The following ZNF516 variants were observed in gnomAD, a reference collection of about 807,000 sequenced individuals.
The protein encoded by ZNF516 is zinc finger protein 516.
ZNF516 carries 19 observed loss-of-function variants against 79.7 expected under a neutral mutation model. The observed-to-expected ratio is 0.24, with a 90% CI of 0.17 to 0.35. The LOEUF is 0.35. Among genes scored for constraint, ZNF516 ranks in the 10% least tolerant of loss-of-function variants. The pLI, the probability that ZNF516 is intolerant of heterozygous loss-of-function variation, is 1.00. For synonymous variants in ZNF516, 877 were observed against 739.5 expected (o/e 1.19, Z -3.02); for missense variants, 1,678 against 1,679.5 (o/e 1.00, Z 0.02).
rs552008375 is a variant in ZNF516, at chr18:76,396,429, A to C, written c.1811-16126T>G. On this transcript the variant is annotated intron_variant, in intron 3 of 6. Coordinates refer to ENST00000443185, the MANE Select transcript of ZNF516 (RefSeq NM_014643.4). ...AGAACTCAGGGCCACTGCATTCAAAATCATTTCAAGATTTCAGCATTTACT... is the reference window on the plus strand; with the variant it reads ...AGAACTCAGGGCCACTGCATTCAAACTCATTTCAAGATTTCAGCATTTACT... 2.6e-5 allele frequency among the ~76,000 whole-genome samples: 4 copies of C among 152,300 alleles called. No individual in the cohort carries two copies. In the South Asian group the frequency reaches 8.3e-4, roughly 32 times the overall value.
At chr18:76,480,484 C>CAT (rs933110218) in intron 1 of ZNF516, among the ~76,000 whole-genome samples, 2 of 134,026 alleles carry the variant, frequency 1.5e-5, no homozygotes, top group Non-Finnish European at 3.2e-5. Context: ...TACACACACA[C>CAT]ATATACACAT....
At chr18:76,421,753 T>A (rs1456201975) in intron 3 of ZNF516, among the ~76,000 whole-genome samples, 1 of 152,170 alleles carries the variant, frequency 6.6e-6, no homozygotes, top group South Asian at 2.1e-4. Context: ...TGCCAACACC[T>A]CACATTTCTT....
chr18:76,443,345 C>T (rs953948634), intron 2 of ZNF516, 134 bp from the exon 3 acceptor site: 6 of 426,240 alleles, frequency 1.4e-5, no homozygotes, highest in African/African-American at 1.2e-4. Flanking sequence ...AACAACACTT[C>T]ACACACAGGC....
At chr18:76,418,192 AAC>A (rs202199700) in intron 3 of ZNF516, among the ~76,000 whole-genome samples, 1,759 of 152,084 alleles carry the variant, frequency 0.012, 37 homozygotes, top group African/African-American at 0.041. Context: ...CACATGCTAT[AAC>A]ACACTGTAAC....
chr18:76,473,221 GT>G (rs555338253), intron 1 of ZNF516, among the ~76,000 whole-genome samples: 38 of 148,790 alleles, frequency 2.6e-4, no homozygotes, highest in South Asian at 4.2e-4. Flanking sequence ...AAGCACAAAA[GT>G]TTTTTTTTTC....
intron 2 of ZNF516, among the ~76,000 whole-genome samples, chr18:76,456,302 T>C (rs1912719991): frequency 6.6e-6 from 1 of 152,244 alleles, no homozygotes; most frequent in African/African-American, 2.4e-5. Flanking sequence ...AAACAAAATC[T>C]GGATGACTAA....
intron 3 of ZNF516, among the ~76,000 whole-genome samples, chr18:76,434,509 A>G (rs2075704391): frequency 6.6e-6 from 1 of 152,212 alleles, no homozygotes; most frequent in Admixed American, 6.5e-5. Flanking sequence ...AATATCACGA[A>G]CTTCTCTTTC....
intron 4 of ZNF516, chr18:76,372,907 G>A (rs984219762): frequency 5.3e-5 from 8 of 152,302 alleles, no homozygotes; most frequent in African/African-American, 1.9e-4. Flanking sequence ...CCAGCACTTT[G>A]AGAGGCCAAA....
chr18:76,451,275 T>A lies in ZNF516; in HGVS notation c.-157-8064A>T, dbSNP rs1463445025. ...CCCCGACGCCATGTGGCTTTACTTA[T>A]CCCCGTCTGCGTCCTCTCTGACCAC... On this transcript the variant is annotated intron_variant, in intron 2 of 6. Coordinates refer to ENST00000443185, the MANE Select transcript of ZNF516 (RefSeq NM_014643.4). This position sits in a 1 kb window ranked among gnomAD's most constrained non-coding sequence, Gnocchi z 6.0. Among the ~76,000 whole-genome samples the A allele has an allele frequency of 6.6e-6, 1 of 152,038 alleles. No individual in the cohort carries two copies. The highest frequency in any genetic ancestry group is 1.5e-5 in the Non-Finnish European group (1 of 68,000).
chr18:76,432,085 T>C (rs911559546), intron 3 of ZNF516, among the ~76,000 whole-genome samples: 1 of 152,152 alleles, frequency 6.6e-6, no homozygotes, highest in East Asian at 1.9e-4. Flanking sequence ...ATGTCACCAG[T>C]TGAACAAGGA....
chr18:76,447,384 C>T (rs112906745), intron 2 of ZNF516, among the ~76,000 whole-genome samples: 9 of 152,212 alleles, frequency 5.9e-5, no homozygotes, highest in Admixed American at 4.6e-4. Flanking sequence ...GCGTGCCTCA[C>T]GTAGGAGCAG....
At position 76,440,742 on chromosome 18, in the gene ZNF516, T is replaced by TTGTGTGTG. The variant is rs138856557; in HGVS notation, c.1810+495_1810+502dup. 3.3e-3 allele frequency among the ~76,000 whole-genome samples: 496 copies of TTGTGTGTG among 150,046 alleles called. 1 individual carries two copies. The highest frequency in any genetic ancestry group is 6.7e-3 in the African/African-American group (271 of 40,570). Reference sequence around the variant, plus strand: ...TGGAGGAAAGTGTGTGTGTGTGTGTTTGTGTGTGTGTGTGTGTGTGCGCGC... The same window carrying TTGTGTGTG: ...TGGAGGAAAGTGTGTGTGTGTGTGTTTGTGTGTGTGTGTGTGTGTGTGTGTGTGCGCGC... On this transcript the variant is annotated intron_variant, in intron 3 of 6. Transcript: ENST00000443185.
chr18:76,383,468 G>A (rs2074927314), intron 3 of ZNF516, among the ~76,000 whole-genome samples: 1 of 129,516 alleles, frequency 7.7e-6, no homozygotes, highest in Non-Finnish European at 1.6e-5. Context: ...CCCCACACCA[G>A]GCACCTTCTC....
intron 3 of ZNF516, among the ~76,000 whole-genome samples, chr18:76,382,074 G>A (rs1035910317): frequency 5.3e-5 from 8 of 152,182 alleles, no homozygotes; most frequent in African/African-American, 1.7e-4. Flanking sequence ...GGAGGTTGCA[G>A]TGAGCTGACA....
intron 2 of ZNF516, among the ~76,000 whole-genome samples, chr18:76,444,426 AG>A (rs1467326891): frequency 6.6e-6 from 1 of 152,240 alleles, no homozygotes; most frequent in Non-Finnish European, 1.5e-5. Context: ...TCGCATAGAA[AG>A]GAAGCGTGTT....
rs542237179 is a variant in ZNF516, at chr18:76,390,015, C to T, written c.1811-9712G>A. ...TTATAGCAATAATTCCAGAGCTTCT[C>T]ACTCTTGGTTAAAACAGAACAGAAA... On this transcript the variant is annotated intron_variant, in intron 3 of 6. Transcript: ENST00000443185. Among the ~76,000 whole-genome samples the T allele has an allele frequency of 9.8e-5, 15 of 152,312 alleles. 1 individual carries two copies. Among genetic ancestry groups the T allele is most frequent in the Admixed American group, 3.3e-4 (5 of 15,306 alleles).
chr18:76,496,327 A>G, upstream of ZNF516: 3 of 1,289,420 alleles, frequency 2.3e-6, no homozygotes, highest in Non-Finnish European at 3.0e-6. Flanking sequence ...TCCGCAGTGG[A>G]GGTGGATTCC....
Position 76,442,155 on chromosome 18 carries a change from G to C in ZNF516, c.900C>G (p.Pro300=), listed in dbSNP as rs1271417817. The C allele has an allele frequency of 2.5e-6, 4 of 1,613,822 alleles. No individual in the cohort carries two copies. The highest frequency in any genetic ancestry group is 3.4e-6 in the Non-Finnish European group (4 of 1,179,886). Residue 300 remains proline (P), a synonymous_variant, in exon 3 of 7, where the codon CCC becomes CCG. Coordinates refer to ENST00000443185, the MANE Select transcript of ZNF516 (RefSeq NM_014643.4). ...FLKNHMKAHG[P]KTGSKNRPKS... ...TGGGCCTGTTCTTGCTGCCCGTCTT[G>C]GGGCCGTGCGCCTTCATGTGGTTCT...
chr18:76,402,351 G>A (rs572136147), intron 3 of ZNF516, among the ~76,000 whole-genome samples: 3 of 152,170 alleles, frequency 2.0e-5, no homozygotes, highest in African/African-American at 7.2e-5. Flanking sequence ...CAGAGGACAG[G>A]AAGGGTCCCA....
Sources: gnomAD v4.1 joint callset for allele counts (sites outside exome capture counted in the v4.1 genomes callset) on GRCh38, gnomAD v4.1.1 for gene constraint, Gnocchi (gnomAD v3.1) non-coding constraint, MANE v1.5 for transcripts, NCBI Gene and HGNC (gene_info 2026-07-23, HGNC 2026-07-21) for gene names.